Variants in CTDP1 observed in about 807,000 individuals in gnomAD.
The protein encoded by CTDP1 is CTD phosphatase 1, also known as RNA polymerase II subunit A C-terminal domain phosphatase.
CTDP1 carries 47 observed loss-of-function variants against 91.8 expected under a neutral mutation model. The ratio of observed to expected loss-of-function variants is 0.51; its 90% CI spans 0.41 to 0.65. The LOEUF is 0.65. CTDP1 is among the 30% of genes least tolerant of loss of function. The pLI, the probability that CTDP1 is intolerant of heterozygous loss-of-function variation, is 0.00. For missense variants in CTDP1, 1,272 were observed against 1,373.7 expected, an observed-to-expected ratio of 0.93 and a Z score of 1.17; for synonymous variants, 656 against 598.5, an observed-to-expected ratio of 1.10 and a Z score of -1.40.
chr18:79,751,281 G>A (rs1170058401), intron 12 of CTDP1, among the ~76,000 whole-genome samples: 1 of 148,242 alleles, frequency 6.7e-6, no homozygotes, highest in Non-Finnish European at 1.5e-5. Context: ...GGGCAGGCCA[G>A]GGAAGGAGGG....
At chr18:79,686,201 G>A (rs1208518825) in intron 1 of CTDP1, among the ~76,000 whole-genome samples, 1 of 152,138 alleles carries the variant, frequency 6.6e-6, no homozygotes, top group Non-Finnish European at 1.5e-5. Flanking sequence ...GTAGGTTTCA[G>A]AAATTTTGTG....
Position 79,714,622 on chromosome 18 carries a change from G to A in CTDP1, c.1162G>A (p.Glu388Lys), listed in dbSNP as rs1032972561. 11 of 1,612,552 alleles carry A rather than the reference G, an allele frequency of 6.8e-6. No homozygotes were observed. The highest frequency in any genetic ancestry group is 5.0e-5 in the Admixed American group (3 of 59,992). ...EKPARELNGS[E>K]AATPRDSPRP... ...GCCTGCACGGGAGCTGAACGGCAGC[G>A]AGGCCGCCACCCCGCGGGACTCACC... is the stretch of plus-strand genomic sequence containing the variant. Residue 388 changes from glutamate to lysine, a missense_variant, in exon 8 of 13, where the codon GAG becomes AAG. Glu to Lys is a moderately conservative substitution (Grantham distance 56, BLOSUM62 1). Transcript: ENST00000613122.
chr18:79,718,083 TGGG>T (rs35306313), intron 10 of CTDP1, 67 bp downstream of exon 10: 1 of 1,575,220 alleles, frequency 6.3e-7, no homozygotes, highest in South Asian at 1.1e-5. Context: ...TCCAGTCTGT[TGGG>T]GGGATGGCGT....
At chr18:79,693,953 A>T (rs934144930) in intron 1 of CTDP1, among the ~76,000 whole-genome samples, 1 of 151,866 alleles carries the variant, frequency 6.6e-6, no homozygotes, top group African/African-American at 2.4e-5. Flanking sequence ...ACAGCCTGCC[A>T]TGGCACAGTG....
intron 10 of CTDP1, among the ~76,000 whole-genome samples, chr18:79,726,204 A>G (rs1568205567): frequency 1.3e-5 from 2 of 152,066 alleles, no homozygotes; most frequent in Non-Finnish European, 1.5e-5. Flanking sequence ...TCTGTTGTCC[A>G]GGTTGGGTGA....
At position 79,680,008 on chromosome 18, in the gene CTDP1, G is replaced by T; in HGVS notation, c.61G>T (p.Glu21Ter). 7.6e-7 allele frequency: 1 copy of T among 1,310,208 alleles called. No homozygotes were observed. The allele number at this position is 1,310,208 out of a possible 1,614,324, so 81.2% of individuals were successfully genotyped here. The change falls in exon 1 of 13, where the codon GAG (glutamate) becomes TAG (stop). Residue 21 changes from glutamate (E) to a stop codon, truncating the protein, a stop_gained. Transcript: ENST00000613122. LOFTEE classifies it high-confidence loss of function. ...AEGAPTAAVA[E>*]VRCPGPAPLR... ...GGGCGCCCCGACGGCGGCTGTGGCC[G>T]AGGTGCGCTGCCCGGGGCCCGCGCC...
At chr18:79,704,738 C>T (rs756882072) in intron 4 of CTDP1, 29 bp from the exon 5 acceptor site, 2 of 1,612,388 alleles carry the variant, frequency 1.2e-6, no homozygotes, top group Non-Finnish European at 1.7e-6. Flanking sequence ...CAGGCCTTTT[C>T]TCCCGACTGT....
intron 4 of CTDP1, 110 bp from the exon 5 acceptor site, chr18:79,704,657 G>A (rs2085929487): frequency 2.8e-6 from 4 of 1,454,490 alleles, no homozygotes; most frequent in Non-Finnish European, 3.8e-6. Flanking sequence ...CAGAACGCTT[G>A]TCTGGGGCAC....
intron 12 of CTDP1, among the ~76,000 whole-genome samples, chr18:79,747,215 T>C (rs576748152): frequency 6.6e-6 from 1 of 152,356 alleles, no homozygotes; most frequent in East Asian, 1.9e-4. Flanking sequence ...CAGCAGGCTC[T>C]CGGAGGGGAG....
chr18:79,721,964 C>G (rs1446149712), intron 10 of CTDP1, among the ~76,000 whole-genome samples: 1 of 152,092 alleles, frequency 6.6e-6, no homozygotes, highest in African/African-American at 2.4e-5. Context: ...GCTGGAATTA[C>G]AGGCACGTGC....
At chr18:79,701,531 AAATAAATAAAT>A (rs2085857939) in intron 4 of CTDP1, among the ~76,000 whole-genome samples, 1 of 1,668 alleles carries the variant, frequency 6.0e-4, no homozygotes, top group Non-Finnish European at 6.8e-3. Flanking sequence ...TAAATAAATT[AAATAAATAAAT>A]AAATAAATAA....
intron 11 of CTDP1, among the ~76,000 whole-genome samples, chr18:79,731,389 G>T (rs913506320): frequency 3.9e-5 from 6 of 152,178 alleles, no homozygotes; most frequent in Non-Finnish European, 8.8e-5. Flanking sequence ...CACCTGCCGT[G>T]GGGGATGCTG....
intron 12 of CTDP1, among the ~76,000 whole-genome samples, chr18:79,738,914 C>CTT (rs1323405271): frequency 6.6e-6 from 1 of 152,216 alleles, no homozygotes; most frequent in Non-Finnish European, 1.5e-5. Flanking sequence ...GATAACAAGC[C>CTT]TTGGTTCTTC....
chr18:79,705,308 A>G (rs1014181545), intron 5 of CTDP1, among the ~76,000 whole-genome samples: 1 of 152,114 alleles, frequency 6.6e-6, no homozygotes, highest in Non-Finnish European at 1.5e-5. Flanking sequence ...CTGCCTACAC[A>G]TGGGTACCCT....
chr18:79,721,624 C>T (rs1170308491), intron 10 of CTDP1, among the ~76,000 whole-genome samples: 6 of 152,056 alleles, frequency 3.9e-5, no homozygotes, highest in South Asian at 2.1e-4. Context: ...GGGGGTGGCT[C>T]GCACTGTAGT....
At chr18:79,729,183 C>A in intron 11 of CTDP1, 114 bp downstream of exon 11, 1 of 1,336,400 alleles carries the variant, frequency 7.5e-7, no homozygotes, top group African/African-American at 1.4e-5. Context: ...TAGAGTCCTG[C>A]ACTTGTGTAG....
In CTDP1 at chr18:79,720,053, G is replaced by A. The variant is rs903349725; in HGVS notation, c.2417+2037G>A. On this transcript the variant is annotated intron_variant, in intron 10 of 12. Transcript: ENST00000613122. ...TGCTGTCACCTCCCATTAGGAAGGC[G>A]TCCTGGTGATGATGTCACCTCCCAT... 5.5e-5 allele frequency among the ~76,000 whole-genome samples: 8 copies of A among 145,212 alleles called. No homozygotes were observed. In the South Asian group the frequency reaches 6.8e-4, roughly 12 times the overall value.
intron 12 of CTDP1, among the ~76,000 whole-genome samples, chr18:79,749,376 G>T (rs1003948090): frequency 1.3e-5 from 2 of 151,768 alleles, no homozygotes; most frequent in African/African-American, 2.4e-5. Context: ...ACCCAGCGTC[G>T]CTGTGAGGGA....
intron 1 of CTDP1, among the ~76,000 whole-genome samples, chr18:79,692,758 G>A (rs1247090359): frequency 1.3e-5 from 2 of 152,178 alleles, no homozygotes; most frequent in Admixed American, 1.3e-4. Context: ...CTGGTGTCCT[G>A]TGTGGGGCAG....
Sources: gnomAD v4.1 joint callset for allele counts (sites outside exome capture counted in the v4.1 genomes callset) on GRCh38, gnomAD v4.1.1 for gene constraint, MANE v1.5 for transcripts, NCBI Gene and HGNC (gene_info 2026-07-23, HGNC 2026-07-21) for gene names.